GUCY2F: variants seen among roughly 807,000 people sequenced by gnomAD.
GUCY2F encodes guanylate cyclase 2F, retinal, also known as retinal guanylyl cyclase 2.
In GUCY2F, 61 loss-of-function variants were observed where a neutral mutation model predicts 73.1. The ratio of observed to expected loss-of-function variants is 0.83; its 90% CI spans 0.68 to 1.03. The LOEUF (loss-of-function observed/expected upper bound fraction) is 1.03, where lower values mean the gene tolerates loss of function less well. Ranked by LOEUF, GUCY2F falls within the 50% of genes least tolerant of loss-of-function variation. The pLI is 0.00. For synonymous variants in GUCY2F, 331 were observed against 307.8 expected (o/e 1.08, Z -0.79); for missense variants, 912 against 854.3 (o/e 1.07, Z -0.84).
intron 8 of GUCY2F, among the ~76,000 whole-genome samples, chrX:109,427,967 T>C (rs1008545483): frequency 1.8e-5 from 2 of 112,278 alleles, no homozygotes; most frequent in African/African-American, 6.5e-5. Context: ...TTGATTGATA[T>C]GAATATTATA....
chrX:109,479,475 C>G (rs1287923497), intron 1 of GUCY2F, among the ~76,000 whole-genome samples: 3 of 111,643 alleles, frequency 2.7e-5, no homozygotes, highest in African/African-American at 9.8e-5. Flanking sequence ...CTAGGTCTCT[C>G]CTTTTTCCCC....
At chrX:109,474,714 G>A (rs1475753459) in intron 2 of GUCY2F, among the ~76,000 whole-genome samples, 4 of 111,880 alleles carry the variant, frequency 3.6e-5, no homozygotes, top group African/African-American at 9.8e-5. Context: ...TGGACATTTC[G>A]GAGTCCACAG....
intron 8 of GUCY2F, among the ~76,000 whole-genome samples, chrX:109,418,128 C>T (rs1931288308): frequency 9.0e-6 from 1 of 111,516 alleles, no homozygotes; most frequent in South Asian, 3.7e-4. Flanking sequence ...TTCAGAAAGC[C>T]TGTTGTTAAA....
intron 6 of GUCY2F, among the ~76,000 whole-genome samples, chrX:109,442,304 C>T (rs967698194): frequency 1.8e-5 from 2 of 111,248 alleles, no homozygotes; most frequent in Non-Finnish European, 3.8e-5. Context: ...TCCATACCTC[C>T]AAATGTGCCT....
chrX:109,388,296 G>T (rs1241817171), intron 15 of GUCY2F, among the ~76,000 whole-genome samples, 193 bp downstream of exon 15: 1 of 111,951 alleles, frequency 8.9e-6, no homozygotes. Flanking sequence ...CTGGAACAAG[G>T]AGCTGCTGCC....
At chrX:109,431,028 T>C (rs1931598742) in intron 7 of GUCY2F, among the ~76,000 whole-genome samples, 1 of 111,468 alleles carries the variant, frequency 9.0e-6, no homozygotes, top group African/African-American at 3.3e-5. Flanking sequence ...CAAAAGTCTA[T>C]TTCTGACTTA....
At chrX:109,387,721 G>A (rs1261456401) in intron 15 of GUCY2F, among the ~76,000 whole-genome samples, 2 of 112,075 alleles carry the variant, frequency 1.8e-5, no homozygotes, top group Non-Finnish European at 3.8e-5. Context: ...AATTAGAGGT[G>A]AGACATGCAG....
rs774872122 is a variant in GUCY2F at position 109,392,087 on chromosome X, G to C, written c.2605C>G (p.Leu869Val). 8.3e-7 allele frequency: 1 copy of C among 1,200,427 alleles called. No individual in the cohort carries two copies. Among genetic ancestry groups the C allele is most frequent in the South Asian group, 1.8e-5 (1 of 54,876 alleles). The change falls in exon 14 of 20, where the codon CTC (leucine) becomes GTC (valine). Residue 869 changes from leucine (L) to valine (V), a missense_variant. Coordinates refer to ENST00000218006, the MANE Select transcript of GUCY2F (RefSeq NM_001522.3). ...QMLPPSVAES[L>V]KKGCTVEPEG... ...GGTTCAACTGTGCAGCCCTTTTTGA[G>C]AGATTCAGCAACTGATCTGAAAAGC...
intron 6 of GUCY2F, among the ~76,000 whole-genome samples, chrX:109,446,102 C>T (rs1272481354): frequency 8.9e-6 from 1 of 111,745 alleles, no homozygotes; most frequent in Admixed American, 9.5e-5. Context: ...GAATTACAAA[C>T]CACTGCTCAA....
chrX:109,398,728 A>G (rs376909330), intron 10 of GUCY2F, 30 bp from the exon 11 acceptor site: 29 of 1,176,217 alleles, frequency 2.5e-5, no homozygotes, highest in Non-Finnish European at 3.2e-5. Context: ...TAATGAATGC[A>G]GGGAGGATTA....
In GUCY2F at chrX:109,465,410, C is replaced by G; in HGVS notation, c.764G>C (p.Gly255Ala). ...IIMCMHSALI[G>A]GETQMHLLEC... ...CAAGAGATGCATCTGAGTCTCTCCC[C>G]CAATCAAAGCTGAATGCATACACAT... The change falls in exon 3 of 20, where the codon GGG becomes GCG. Residue 255 changes from glycine to alanine, a missense_variant. Coordinates refer to ENST00000218006, the MANE Select transcript of GUCY2F (RefSeq NM_001522.3). 1 of 1,203,161 alleles carries G rather than the reference C, an allele frequency of 8.3e-7. No individual in the cohort carries two copies. Among genetic ancestry groups the G allele is most frequent in the Non-Finnish European group, 1.1e-6 (1 of 889,001 alleles).
At chrX:109,419,848 G>T (rs1385212822) in intron 8 of GUCY2F, among the ~76,000 whole-genome samples, 7 of 108,745 alleles carry the variant, frequency 6.4e-5, no homozygotes, top group Non-Finnish European at 9.6e-5. Flanking sequence ...TAAATTTAAA[G>T]AATTTACAAT....
intron 6 of GUCY2F, among the ~76,000 whole-genome samples, chrX:109,445,047 C>T (rs1162341751): frequency 1.8e-5 from 2 of 111,585 alleles, no homozygotes; most frequent in East Asian, 5.6e-4. Flanking sequence ...CTAGTTTCTT[C>T]GTACAACATG....
intron 7 of GUCY2F, among the ~76,000 whole-genome samples, chrX:109,438,522 T>A (rs1481178775): frequency 4.4e-5 from 5 of 112,789 alleles, no homozygotes; most frequent in Admixed American, 1.9e-4. Flanking sequence ...AAGAAAGAGG[T>A]AACAGGTCCA....
At chrX:109,448,867 A>G (rs1932080824) in intron 5 of GUCY2F, among the ~76,000 whole-genome samples, 1 of 112,389 alleles carries the variant, frequency 8.9e-6, no homozygotes, top group East Asian at 2.8e-4. Context: ...TTGTCTGAGC[A>G]TTACAGACAC....
At chrX:109,458,842 C>T (rs982084790) in intron 3 of GUCY2F, among the ~76,000 whole-genome samples, 1 of 111,198 alleles carries the variant, frequency 9.0e-6, no homozygotes, top group African/African-American at 3.3e-5. Context: ...TAGTTAGGTA[C>T]TATTGTTATT....
At chrX:109,387,093 A>T (rs914746163) in intron 15 of GUCY2F, among the ~76,000 whole-genome samples, 4 of 112,291 alleles carry the variant, frequency 3.6e-5, no homozygotes, top group Non-Finnish European at 7.5e-5. Flanking sequence ...TATGAGAAGG[A>T]TGGATGGTAA....
chrX:109,392,942 C>T lies in GUCY2F; in HGVS notation c.2538G>A (p.Leu846=), dbSNP rs1569356763. 8.4e-7 allele frequency: 1 copy of T among 1,183,963 alleles called. No homozygotes were observed. Among genetic ancestry groups the T allele is most frequent in the Non-Finnish European group, 1.1e-6 (1 of 871,093 alleles). Residue 846 remains leucine (L), a synonymous_variant, in exon 13 of 20, where the codon CTG becomes CTA. Coordinates refer to ENST00000218006, the MANE Select transcript of GUCY2F (RefSeq NM_001522.3). ...TTTCCGTTTTCTGTTTTTCAATTTCCAGCTCTTCAGTCCGCTCCCGAATCA... is the reference window on the plus strand; with the variant it reads ...TTTCCGTTTTCTGTTTTTCAATTTCTAGCTCTTCAGTCCGCTCCCGAATCA... ...EDLIRERTEE[L]EIEKQKTEKL...
chrX:109,374,282 C>A (rs1417950002), intron 19 of GUCY2F, among the ~76,000 whole-genome samples: 1 of 111,787 alleles, frequency 8.9e-6, no homozygotes, highest in Admixed American at 9.5e-5. Flanking sequence ...AGTTAACATG[C>A]TGATTGAAGT....
Sources: allele counts gnomAD v4.1 joint callset (sites outside exome capture counted in the v4.1 genomes callset), GRCh38; gene constraint gnomAD v4.1.1; transcripts MANE v1.5; gene names NCBI Gene and HGNC (gene_info 2026-07-23, HGNC 2026-07-21).